The following KDM5B variants were observed in gnomAD, a reference collection of about 807,000 sequenced individuals.
KDM5B encodes lysine demethylase 5B, also known as lysine-specific demethylase 5B.
In KDM5B, 144 loss-of-function variants were observed where a neutral mutation model predicts 193.4. The observed-to-expected ratio is 0.74, with a 90% CI of 0.65 to 0.86. The LOEUF is 0.86. KDM5B is among the 40% of genes least tolerant of loss of function. The pLI, the probability that KDM5B is intolerant of heterozygous loss-of-function variation, is 0.00. For missense variants in KDM5B, 1,833 were observed against 1,886.9 expected (o/e 0.97, Z 0.53); for synonymous variants, 668 against 682.6 (o/e 0.98, Z 0.33).
chr1:202,755,211 A>G (rs1455049990), intron 11 of KDM5B, 60 bp downstream of exon 11: 1 of 1,355,986 alleles, frequency 7.4e-7, no homozygotes, highest in Admixed American at 1.8e-5. Context: ...CTGCACTGAA[A>G]AGGAAAGTTT....
At chr1:202,799,584 C>T (rs1237018241) in intron 1 of KDM5B, among the ~76,000 whole-genome samples, 4 of 149,914 alleles carry the variant, frequency 2.7e-5, no homozygotes, top group Non-Finnish European at 4.4e-5. Flanking sequence ...ACCTGGGAGG[C>T]GGAAGTTGCG....
In KDM5B at chr1:202,750,641, TAC is replaced by T; in HGVS notation, c.1821+16_1821+17del. 1 of 1,611,292 alleles carries T rather than the reference TAC, an allele frequency of 6.2e-7. No homozygotes were observed. The highest frequency in any genetic ancestry group is 1.3e-5 in the African/African-American group (1 of 74,826). On this transcript the variant is annotated intron_variant, in intron 13 of 26. Coordinates refer to ENST00000367265, the MANE Select transcript of KDM5B (RefSeq NM_006618.5). ...AAACAATAAATTTGAAAAGGTTAAC[TAC>T]ATTGTAATTACATACCCAATCAACA...
chr1:202,792,797 C>T (rs1489987935), intron 1 of KDM5B, among the ~76,000 whole-genome samples: 1 of 151,968 alleles, frequency 6.6e-6, no homozygotes, highest in African/African-American at 2.4e-5. Context: ...AGTTTGAGAC[C>T]AGCCTGGCCA....
intron 4 of KDM5B, among the ~76,000 whole-genome samples, chr1:202,771,736 C>T (rs1656728238): frequency 6.6e-6 from 1 of 152,066 alleles, no homozygotes; most frequent in African/African-American, 2.4e-5. Context: ...CACGCACCAC[C>T]ACGCTCAGCT....
chr1:202,799,214 G>A (rs988541791), intron 1 of KDM5B, among the ~76,000 whole-genome samples: 1 of 152,158 alleles, frequency 6.6e-6, no homozygotes, highest in Admixed American at 6.5e-5. Flanking sequence ...GATCCCCTTA[G>A]AGCAGATGAC....
intron 1 of KDM5B, among the ~76,000 whole-genome samples, chr1:202,789,764 A>C (rs1441559971): frequency 2.0e-5 from 3 of 151,646 alleles, no homozygotes; most frequent in South Asian, 4.2e-4. Flanking sequence ...ACAGAGAGAG[A>C]GAGCAAGAGA....
At chr1:202,750,634 G>A in intron 13 of KDM5B, 25 bp downstream of exon 13, 1 of 1,608,938 alleles carries the variant, frequency 6.2e-7, no homozygotes. Context: ...AATTTGAAAA[G>A]GTTAACTACA....
At chr1:202,783,416 G>A (rs1657277623) in intron 1 of KDM5B, among the ~76,000 whole-genome samples, 1 of 149,506 alleles carries the variant, frequency 6.7e-6, no homozygotes, top group African/African-American at 2.5e-5. Flanking sequence ...GGGGTGGGAG[G>A]ATTAATTGAA....
chr1:202,761,608 A>T (rs1656251748), intron 7 of KDM5B, among the ~76,000 whole-genome samples: 1 of 152,146 alleles, frequency 6.6e-6, no homozygotes, highest in South Asian at 2.1e-4. Flanking sequence ...TTTGGAAATG[A>T]GTCCTTACGG....
At position 202,808,121 on chromosome 1, in the gene KDM5B, C is replaced by A; in HGVS notation, c.185G>T (p.Cys62Phe). ...IRPIAEQTGI[C>F]KVRPPPDWQP... ...ACTCACCGGCGGCGGCCGCACCTTACAGATGCCAGTCTGCTCGGCTATGGG... is the reference window on the plus strand; with the variant it reads ...ACTCACCGGCGGCGGCCGCACCTTAAAGATGCCAGTCTGCTCGGCTATGGG... Residue 62 changes from cysteine (C) to phenylalanine (F), a missense_variant, in exon 1 of 27, where the codon TGT (cysteine) becomes TTT (phenylalanine). This residue lies in a region of KDM5B where 355 missense variants were observed against 374.9 expected (regional missense o/e 0.95). Coordinates refer to ENST00000367265, the MANE Select transcript of KDM5B (RefSeq NM_006618.5). The A allele has an allele frequency of 6.2e-7, 1 of 1,611,808 alleles. No homozygotes were observed. The highest frequency in any genetic ancestry group is 8.5e-7 in the Non-Finnish European group (1 of 1,179,190).
At chr1:202,800,106 C>T (rs748460561) in intron 1 of KDM5B, among the ~76,000 whole-genome samples, 7 of 149,816 alleles carry the variant, frequency 4.7e-5, no homozygotes, top group Non-Finnish European at 7.4e-5. Flanking sequence ...TGCAGTGGTG[C>T]GATATCGGCT....
intron 1 of KDM5B, among the ~76,000 whole-genome samples, chr1:202,789,069 G>C (rs916921070): frequency 6.6e-6 from 1 of 152,108 alleles, no homozygotes; most frequent in African/African-American, 2.4e-5. Flanking sequence ...GGCCTCATTA[G>C]ATCTGCAAAC....
intron 14 of KDM5B, among the ~76,000 whole-genome samples, chr1:202,747,174 G>C (rs1004452703): frequency 4.6e-5 from 7 of 151,892 alleles, no homozygotes; most frequent in African/African-American, 7.3e-5. Context: ...CAATTATATG[G>C]GCCAACAAAG....
intron 1 of KDM5B, among the ~76,000 whole-genome samples, chr1:202,802,067 A>G (rs1342296740): frequency 6.6e-6 from 1 of 152,100 alleles, no homozygotes; most frequent in Non-Finnish European, 1.5e-5. Context: ...AAAATTGCAC[A>G]ACAATCTCAA....
At position 202,741,526 on chromosome 1, in the gene KDM5B, T is replaced by C. The variant is rs1655337272; in HGVS notation, c.2786A>G (p.Asp929Gly). 6.2e-7 allele frequency: 1 copy of C among 1,614,150 alleles called. No individual in the cohort carries two copies. The highest frequency in any genetic ancestry group is 8.5e-7 in the Non-Finnish European group (1 of 1,180,018). ...WLEEVQQACLDPSSLTLDDMR... is the reference protein window; with the variant it reads ...WLEEVQQACLGPSSLTLDDMR... ...ATCATCTAAAGTAAGGGAGCTGGGG[T>C]CTAGGCAAGCTTGCTGCACCTCTTC... Residue 929 changes from aspartate (D) to glycine (G), a missense_variant, in exon 19 of 27, where the codon GAC (aspartate) becomes GGC (glycine). Asp to Gly is a moderately conservative substitution (Grantham distance 94). Coordinates refer to ENST00000367265, the MANE Select transcript of KDM5B (RefSeq NM_006618.5).
intron 11 of KDM5B, 63 bp from the exon 12 acceptor site, chr1:202,753,130 G>A (rs1314076727): frequency 1.4e-6 from 2 of 1,422,684 alleles, no homozygotes; most frequent in African/African-American, 2.9e-5. Flanking sequence ...TGGGTTACCA[G>A]TTCATATTTT....
intron 8 of KDM5B, among the ~76,000 whole-genome samples, chr1:202,760,210 G>A (rs903219569): frequency 6.6e-6 from 1 of 152,186 alleles, no homozygotes; most frequent in Non-Finnish European, 1.5e-5. Context: ...GCTACGTGGG[G>A]GGGGCTGAGG....
At chr1:202,794,299 G>C (rs1344292014) in intron 1 of KDM5B, among the ~76,000 whole-genome samples, 2 of 152,210 alleles carry the variant, frequency 1.3e-5, no homozygotes, top group Non-Finnish European at 2.9e-5. Context: ...ATGTGGGCTT[G>C]ATAGGGATTT....
intron 2 of KDM5B, among the ~76,000 whole-genome samples, chr1:202,775,873 A>T (rs1558507219): frequency 7.8e-5 from 10 of 127,646 alleles, no homozygotes; most frequent in African/African-American, 2.9e-4. Context: ...AAAAAAAAAA[A>T]AAAAAAATAT....
Sources: allele counts gnomAD v4.1 joint callset (sites outside exome capture counted in the v4.1 genomes callset), GRCh38; gene constraint gnomAD v4.1.1; regional missense constraint gnomAD v4.1.1; transcripts MANE v1.5; gene names NCBI Gene and HGNC (gene_info 2026-07-23, HGNC 2026-07-21).